DCAF8: variants seen among roughly 807,000 people sequenced by gnomAD.
DCAF8 encodes DDB1- and CUL4-associated factor 8.
Under a neutral mutation model 68.0 loss-of-function variants are expected in DCAF8, and 20 were observed. That is an observed-to-expected ratio of 0.29 (90% CI 0.21 to 0.43). The LOEUF (loss-of-function observed/expected upper bound fraction) is 0.43. DCAF8 is among the 20% of genes least tolerant of loss of function. The pLI is 1.00. For synonymous variants in DCAF8, 230 were observed against 276.9 expected, an observed-to-expected ratio of 0.83 and a Z score of 1.68; for missense variants, 460 against 771.0, an observed-to-expected ratio of 0.60 and a Z score of 4.78.
chr1:160,245,960 G>T (rs112223146), intron 2 of DCAF8, among the ~76,000 whole-genome samples: 4 of 152,096 alleles, frequency 2.6e-5, no homozygotes, highest in African/African-American at 9.7e-5. Flanking sequence ...GCAACATGGA[G>T]AAACCCTGTC....
chr1:160,224,585 G>A, intron 9 of DCAF8, 36 bp from the exon 10 acceptor site: 1 of 1,551,958 alleles, frequency 6.4e-7, no homozygotes, highest in Non-Finnish European at 8.9e-7. Flanking sequence ...GAAGGCAAAG[G>A]CTGAAAAAAG....
intron 4 of DCAF8, chr1:160,239,160 G>A: frequency 2.8e-6 from 3 of 1,057,290 alleles, no homozygotes; most frequent in Non-Finnish European, 3.4e-6. Flanking sequence ...ATAAATGGCT[G>A]GTACCAGTAC....
At position 160,217,513 on chromosome 1, in the gene DCAF8, G is replaced by A. The variant is rs562499051; in HGVS notation, c.*79C>T. ...AGTCCAAAGTGCGTTTCTGCTGAAT[G>A]TAGGGCCTGGGACAGGAAAGGGTTG... On this transcript the variant is annotated 3_prime_UTR_variant, in exon 14 of 14. Transcript: ENST00000368074. 4.9e-5 allele frequency: 51 copies of A among 1,048,370 alleles called. No individual in the cohort carries two copies. The African/African-American group carries it at 7.8e-4, about 16-fold the overall frequency. The allele number at this position is 1,048,370 out of a possible 1,614,324, so 64.9% of individuals were successfully genotyped here.
intron 2 of DCAF8, among the ~76,000 whole-genome samples, chr1:160,250,191 C>G (rs1473507622): frequency 2.0e-5 from 3 of 152,186 alleles, no homozygotes; most frequent in African/African-American, 7.2e-5. Flanking sequence ...CAGGCCGGCG[C>G]AGTGGCTCAT....
chr1:160,248,343 T>C (rs1027414256), intron 2 of DCAF8, among the ~76,000 whole-genome samples: 4 of 151,844 alleles, frequency 2.6e-5, no homozygotes, highest in Non-Finnish European at 4.4e-5. Flanking sequence ...CAAGAGATAC[T>C]GTTACAACAA....
rs775067377 is a variant in DCAF8 at position 160,217,673 on chromosome 1, C to G, written c.1713G>C (p.Ala571=). 5.6e-6 allele frequency: 9 copies of G among 1,613,986 alleles called. No individual in the cohort carries two copies. The Admixed American group carries it at 1.5e-4, about 27-fold the overall frequency. Residue 571 remains alanine (A), a synonymous_variant, in exon 14 of 14, where the codon GCG becomes GCC. Coordinates refer to ENST00000368074, the MANE Select transcript of DCAF8 (RefSeq NM_015726.4). ...AGGAGCTGGGAGACTCATCAGAGTCCGCGTCTGTGGCCCCAACCCCAGGTT... is the reference window on the plus strand; with the variant it reads ...AGGAGCTGGGAGACTCATCAGAGTCGGCGTCTGTGGCCCCAACCCCAGGTT... ...WREPGVGATD[A]DSDESPSSSD...
intron 2 of DCAF8, among the ~76,000 whole-genome samples, chr1:160,249,481 A>G (rs1656491676): frequency 6.6e-6 from 1 of 152,192 alleles, no homozygotes; most frequent in South Asian, 2.1e-4. Flanking sequence ...CATACAACTC[A>G]GGAATCCCAC....
At chr1:160,240,483 C>A in intron 3 of DCAF8, 113 bp from the exon 4 acceptor site, 3 of 976,942 alleles carry the variant, frequency 3.1e-6, no homozygotes, top group Non-Finnish European at 4.5e-6. Flanking sequence ...AACTTTGGTC[C>A]AAGTGTTTTC....
chr1:160,262,540 C>G lies in DCAF8; in HGVS notation c.-192G>C, dbSNP rs1325920945. The G allele has an allele frequency of 2.5e-6, 1 of 398,802 alleles. No homozygotes were observed. The highest frequency in any genetic ancestry group is 2.1e-5 in the African/African-American group (1 of 48,638). The allele number at this position is 398,802 out of a possible 1,614,324, so 24.7% of individuals were successfully genotyped here. On this transcript the variant is annotated 5_prime_UTR_variant, in exon 1 of 14. Coordinates refer to ENST00000368074, the MANE Select transcript of DCAF8 (RefSeq NM_015726.4). Reference sequence around the variant, plus strand: ...CCGGCCCCGTTTGCGACGATGTGCTCGAGAAGACTGAGGGAAGAGTGGTCG... The same window carrying G: ...CCGGCCCCGTTTGCGACGATGTGCTGGAGAAGACTGAGGGAAGAGTGGTCG...
intron 6 of DCAF8, among the ~76,000 whole-genome samples, chr1:160,232,060 G>A (rs1013308012): frequency 2.6e-5 from 4 of 151,908 alleles, no homozygotes; most frequent in Non-Finnish European, 5.9e-5. Flanking sequence ...GCGTGGTGGC[G>A]CATGCCTATC....
At chr1:160,238,389 C>T (rs955476675) in intron 5 of DCAF8, among the ~76,000 whole-genome samples, 36 of 152,332 alleles carry the variant, frequency 2.4e-4, no homozygotes, top group African/African-American at 8.7e-4. Context: ...GGGCCAAATA[C>T]TATGAATGCA....
At chr1:160,239,553 G>C (rs1319737523) in intron 4 of DCAF8, 144 bp downstream of exon 4, 1 of 1,573,536 alleles carries the variant, frequency 6.4e-7, no homozygotes, top group Non-Finnish European at 8.6e-7. Flanking sequence ...GTGTATTTAG[G>C]TCATTAGGGG....
intron 2 of DCAF8, among the ~76,000 whole-genome samples, chr1:160,244,860 C>G (rs548103899): frequency 4.9e-4 from 74 of 152,252 alleles, no homozygotes; most frequent in African/African-American, 1.7e-3. Context: ...CCGCCCGCCT[C>G]GGCCTCCCAA....
intron 2 of DCAF8, among the ~76,000 whole-genome samples, chr1:160,248,747 A>G (rs1040277100): frequency 4.0e-5 from 6 of 151,286 alleles, no homozygotes; most frequent in African/African-American, 1.5e-4. Flanking sequence ...AATTATCGCG[A>G]GCTGGATATG....
chr1:160,229,015 C>T, intron 7 of DCAF8, among the ~76,000 whole-genome samples: 1 of 152,110 alleles, frequency 6.6e-6, no homozygotes, highest in African/African-American at 2.4e-5. Context: ...AAAATCTTCA[C>T]ATAGCCAGGC....
chr1:160,238,503 T>A, intron 5 of DCAF8, 104 bp downstream of exon 5: 1 of 1,306,696 alleles, frequency 7.7e-7, no homozygotes, highest in Non-Finnish European at 1.0e-6. Context: ...GTGAGGCACA[T>A]GACCACAACA....
chr1:160,217,829 A>G (rs1331853839), intron 13 of DCAF8, 121 bp from the exon 14 acceptor site: 1 of 719,264 alleles, frequency 1.4e-6, no homozygotes, highest in Non-Finnish European at 2.4e-6. Flanking sequence ...TTAAAGGGCC[A>G]GAGAGTAAAT....
chr1:160,231,533 ATTG>A lies in DCAF8; in HGVS notation c.960-129_960-127del, dbSNP rs540295592. The A allele has an allele frequency of 1.0e-3, 692 of 681,742 alleles. 1 individual carries two copies. The African/African-American group carries it at 0.012, about 11-fold the overall frequency. The allele number at this position is 681,742 out of a possible 1,614,324, so 42.2% of individuals were successfully genotyped here. A position where few individuals can be genotyped will look rare whatever the true frequency, so the allele number is the denominator to read the frequency against. The stretch of plus-strand genomic sequence containing the variant: ...AGAGATTCTCATTTGGAAAGAAAGA[ATTG>A]TTGTGTTTTCTCTGTTTGTTTTGTA... On this transcript the variant is annotated intron_variant, in intron 6 of 13. Coordinates refer to ENST00000368074, the MANE Select transcript of DCAF8 (RefSeq NM_015726.4).
At chr1:160,252,381 A>C (rs758758831) in intron 2 of DCAF8, among the ~76,000 whole-genome samples, 15 of 152,236 alleles carry the variant, frequency 9.9e-5, no homozygotes, top group Non-Finnish European at 1.9e-4. Flanking sequence ...ATTAGCTTTT[A>C]AGATGGGCTT....
Sources: gnomAD v4.1 joint callset for allele counts (sites outside exome capture counted in the v4.1 genomes callset) on GRCh38, gnomAD v4.1.1 for gene constraint, MANE v1.5 for transcripts, NCBI Gene and HGNC (gene_info 2026-07-23, HGNC 2026-07-21) for gene names.